Variants in FLVCR2 observed in about 807,000 individuals in gnomAD.
FLVCR2 encodes the protein choline/ethanolamine transporter FLVCR2.
FLVCR2 carries 38 observed loss-of-function variants against 48.9 expected under a neutral mutation model. That is an observed-to-expected ratio of 0.78 (90% CI 0.60 to 1.02). The LOEUF is 1.02. Among genes scored for constraint, FLVCR2 ranks in the 50% least tolerant of loss-of-function variants. The pLI is 0.00. For synonymous variants in FLVCR2, 255 were observed against 257.0 expected (o/e 0.99, Z 0.07); for missense variants, 664 against 663.3 (o/e 1.00, Z -0.01).
Position 75,578,852 on chromosome 14 carries a change from C to T in FLVCR2, c.-121C>T. 1.6e-6 allele frequency: 1 copy of T among 634,872 alleles called. No homozygotes were observed. The highest frequency in any genetic ancestry group is 2.3e-5 in the South Asian group (1 of 44,366). 39.3% of individuals were successfully genotyped at this position (634,872 alleles called of 1,614,324 possible). A position where few individuals can be genotyped will look rare whatever the true frequency, so the allele number is the denominator to read the frequency against. ...TTGAGGCTTTTACGCAGCCTCTAGT[C>T]TCTGTTTCTTCTGGAATAGGCAAGT... On this transcript the variant is annotated 5_prime_UTR_variant, in exon 1 of 10. Coordinates refer to ENST00000238667, the MANE Select transcript of FLVCR2 (RefSeq NM_017791.3).
chr14:75,612,019 C>T (rs540365271), intron 1 of FLVCR2, among the ~76,000 whole-genome samples: 3 of 152,122 alleles, frequency 2.0e-5, no homozygotes, highest in South Asian at 4.1e-4. Flanking sequence ...TGTTATGTGA[C>T]CTTGGGCAAG....
At chr14:75,639,554 C>A in intron 6 of FLVCR2, 92 bp downstream of exon 6, 1 of 886,034 alleles carries the variant, frequency 1.1e-6, no homozygotes, top group Non-Finnish European at 1.9e-6. Flanking sequence ...GATGCCTTTG[C>A]TGCCTTCTAA....
intron 1 of FLVCR2, among the ~76,000 whole-genome samples, chr14:75,606,582 T>C (rs547696217): frequency 2.6e-5 from 4 of 152,308 alleles, no homozygotes; most frequent in African/African-American, 9.6e-5. Context: ...ATTCTCTTGA[T>C]TTCCTTCCTC....
chr14:75,581,575 T>C (rs989982680), intron 1 of FLVCR2, among the ~76,000 whole-genome samples: 1 of 148,720 alleles, frequency 6.7e-6, no homozygotes, highest in African/African-American at 2.5e-5. Context: ...AAGGCCAAAC[T>C]GAGGAATTAT....
At chr14:75,622,001 A>T (rs964321071) in intron 1 of FLVCR2, 78 bp from the exon 2 acceptor site, 3 of 1,437,894 alleles carry the variant, frequency 2.1e-6, no homozygotes, top group Non-Finnish European at 2.9e-6. Context: ...TAGATTTCTT[A>T]TTAGGAATCT....
intron 1 of FLVCR2, among the ~76,000 whole-genome samples, chr14:75,619,904 C>T (rs972332589): frequency 2.0e-5 from 3 of 152,150 alleles, no homozygotes; most frequent in African/African-American, 7.2e-5. Context: ...CAGTGTAGCA[C>T]CAGCTGGGAG....
chr14:75,607,818 ATC>A (rs2140023831), intron 1 of FLVCR2, among the ~76,000 whole-genome samples: 1 of 152,154 alleles, frequency 6.6e-6, no homozygotes, highest in South Asian at 2.1e-4. Context: ...CACACCTGTA[ATC>A]CTAGCACTTA....
chr14:75,600,763 G>T (rs1889144192), intron 1 of FLVCR2, among the ~76,000 whole-genome samples: 1 of 152,072 alleles, frequency 6.6e-6, no homozygotes, highest in African/African-American at 2.4e-5. Context: ...ATCAAAGGAT[G>T]CTATTAACAG....
intron 1 of FLVCR2, among the ~76,000 whole-genome samples, chr14:75,599,326 A>ACCCC (rs397966103): frequency 2.7e-5 from 4 of 148,258 alleles, no homozygotes; most frequent in African/African-American, 9.9e-5. Flanking sequence ...AATGTACAAC[A>ACCCC]CCCCCCCCCA....
chr14:75,592,913 C>A (rs976959421), intron 1 of FLVCR2, among the ~76,000 whole-genome samples: 1 of 152,192 alleles, frequency 6.6e-6, no homozygotes, highest in African/African-American at 2.4e-5. Flanking sequence ...AAGGCATGGA[C>A]ACAATGCAGC....
In FLVCR2 at chr14:75,646,717, G is replaced by C. The variant is rs528023281; in HGVS notation, c.*245G>C. The C allele has an allele frequency of 7.5e-4, 392 of 526,140 alleles. 6 individuals are homozygous for C. The highest frequency in any genetic ancestry group is 7.2e-3 in the South Asian group (384 of 53,108). 32.6% of individuals were successfully genotyped at this position (526,140 alleles called of 1,614,324 possible). ...ACCTCCACCCCCTTTTAGGTTATGG[G>C]AGTTGGTGTTGGGACAGGGTGGCAG... On this transcript the variant is annotated 3_prime_UTR_variant, in exon 10 of 10. Coordinates refer to ENST00000238667, the MANE Select transcript of FLVCR2 (RefSeq NM_017791.3).
At chr14:75,600,874 C>G (rs530926817) in intron 1 of FLVCR2, among the ~76,000 whole-genome samples, 1 of 147,058 alleles carries the variant, frequency 6.8e-6, no homozygotes, top group Non-Finnish European at 1.5e-5. Context: ...ACAACTCAAC[C>G]GCAAAAAAAA....
intron 1 of FLVCR2, among the ~76,000 whole-genome samples, chr14:75,607,409 G>T (rs116840170): frequency 0.017 from 2,662 of 152,228 alleles, 35 homozygotes; most frequent in Middle Eastern, 0.041. Context: ...GAATTGGCTG[G>T]CTCCAAACCA....
intron 1 of FLVCR2, among the ~76,000 whole-genome samples, chr14:75,595,615 G>A (rs974263670): frequency 5.9e-5 from 9 of 152,186 alleles, no homozygotes; most frequent in Admixed American, 2.6e-4. Flanking sequence ...GGAAGTTTGC[G>A]GAGGTGAAGG....
At position 75,635,006 on chromosome 14, in the gene FLVCR2, A is replaced by T; in HGVS notation, c.1117A>T (p.Thr373Ser). The change falls in exon 5 of 10, where the codon ACC becomes TCC. Residue 373 changes from threonine to serine, a missense_variant. Transcript: ENST00000238667. ...ISGIWLDRSK[T>S]YKETTLVVYI... ...AGGAATCTGGCTGGATAGGTCCAAAACCTACAAGTAAGTGACTCATCCTCT... is the reference window on the plus strand; with the variant it reads ...AGGAATCTGGCTGGATAGGTCCAAATCCTACAAGTAAGTGACTCATCCTCT... The T allele has an allele frequency of 6.2e-7, 1 of 1,604,256 alleles. No individual in the cohort carries two copies.
chr14:75,623,987 G>GGCTGCAGTGAGCGAAGATC, intron 2 of FLVCR2, among the ~76,000 whole-genome samples: 1 of 152,324 alleles, frequency 6.6e-6, no homozygotes, highest in East Asian at 1.9e-4. Flanking sequence ...GGGAGGCAGA[G>GGCTGCAGTGAGCGAAGATC]GCTGCAGTGA....
Position 75,635,293 on chromosome 14 carries a change from G to C in FLVCR2, c.1124+280G>C, listed in dbSNP as rs567917577. Among the ~76,000 whole-genome samples, 14 of 152,236 alleles carry C rather than the reference G, an allele frequency of 9.2e-5. No individual in the cohort carries two copies. In the South Asian group the frequency reaches 1.2e-3, roughly 14 times the overall value. On this transcript the variant is annotated intron_variant, in intron 5 of 9. Coordinates refer to ENST00000238667, the MANE Select transcript of FLVCR2 (RefSeq NM_017791.3). ...CCACTCTCTAAGTAGCTTTGTGAAAGCAGCAGAGGAGGGAGAAATGAAAAT... is the reference window on the plus strand; with the variant it reads ...CCACTCTCTAAGTAGCTTTGTGAAACCAGCAGAGGAGGGAGAAATGAAAAT...
chr14:75,580,267 CTCTT>C (rs749991307), intron 1 of FLVCR2, among the ~76,000 whole-genome samples: 6 of 152,188 alleles, frequency 3.9e-5, no homozygotes, highest in Non-Finnish European at 7.3e-5. Context: ...TAATCTTTTT[CTCTT>C]TCTTTCTTAT....
Position 75,595,461 on chromosome 14 carries a change from A to G in FLVCR2, c.669+15820A>G, listed in dbSNP as rs539332495. Reference sequence around the variant, plus strand: ...TATGGTATCACCCAGAGAGGCTGAGAGTTTCTGAGGTTGACTTGGGATTCA... The same window carrying G: ...TATGGTATCACCCAGAGAGGCTGAGGGTTTCTGAGGTTGACTTGGGATTCA... On this transcript the variant is annotated intron_variant, in intron 1 of 9. Coordinates refer to ENST00000238667, the MANE Select transcript of FLVCR2 (RefSeq NM_017791.3). Among the ~76,000 whole-genome samples the G allele has an allele frequency of 4.0e-4, 61 of 152,268 alleles. No individual in the cohort carries two copies. In the South Asian group the frequency reaches 4.1e-3, roughly 10 times the overall value.
Sources: allele counts gnomAD v4.1 joint callset (sites outside exome capture counted in the v4.1 genomes callset), GRCh38; gene constraint gnomAD v4.1.1; transcripts MANE v1.5; gene names NCBI Gene and HGNC (gene_info 2026-07-23, HGNC 2026-07-21).